Variants in ZNF160 observed in about 807,000 individuals in gnomAD.
The protein encoded by ZNF160 is KRAB zinc finger protein KR18.
In ZNF160, 9 loss-of-function variants were observed where a neutral mutation model predicts 13.1. The ratio of observed to expected loss-of-function variants is 0.69; its 90% CI spans 0.41 to 1.20. The LOEUF is 1.20. Ranked by LOEUF, ZNF160 falls within the 50% of genes most tolerant of loss-of-function variation. ZNF160 has a pLI of 0.01. For missense variants in ZNF160, 838 were observed against 988.0 expected (o/e 0.85, Z 2.04); for synonymous variants, 293 against 333.2 (o/e 0.88, Z 1.31).
chr19:53,086,079 G>C, intron 3 of ZNF160, 183 bp downstream of exon 3: 1 of 1,377,474 alleles, frequency 7.3e-7, no homozygotes, highest in Non-Finnish European at 1.0e-6. Context: ...CTCTTCCCAA[G>C]TTCATGTCAC....
Position 53,068,606 on chromosome 19 carries a change from T to C in ZNF160, c.1928A>G (p.His643Arg), listed in dbSNP as rs767572223. 1.2e-6 allele frequency: 2 copies of C among 1,614,152 alleles called. No homozygotes were observed. The highest frequency in any genetic ancestry group is 1.7e-6 in the Non-Finnish European group (2 of 1,180,034). The stretch of plus-strand genomic sequence containing the variant: ...ACACTTGTAAGGTTTCTCTCCAGTA[T>C]GAATTCGCCGATGAGTTGCAAGGTA... Reference protein sequence around the residue: ...NSYLATHRRIHTGEKPYKCNE... With the variant: ...NSYLATHRRIRTGEKPYKCNE... The change falls in exon 6 of 6, where the codon CAT becomes CGT. Residue 643 changes from histidine (H) to arginine (R), a missense_variant. By Grantham distance (29) the His-to-Arg change is conservative. Coordinates refer to ENST00000683776, the MANE Select transcript of ZNF160 (RefSeq NM_001322131.2).
At chr19:53,074,098 T>G (rs1013873752) in intron 5 of ZNF160, 42 bp downstream of exon 5, 4 of 1,595,692 alleles carry the variant, frequency 2.5e-6, no homozygotes, top group Non-Finnish European at 3.4e-6. Flanking sequence ...TCCCACACTC[T>G]AGTTAATGAG....
At position 53,070,191 on chromosome 19, in the gene ZNF160, T is replaced by A. The variant is rs765908401; in HGVS notation, c.343A>T (p.Thr115Ser). The change falls in exon 6 of 6, where the codon ACA becomes TCA. Residue 115 changes from threonine (T) to serine (S), a missense_variant. Thr to Ser is a moderately conservative substitution (Grantham distance 58, BLOSUM62 1). This residue lies in a region of ZNF160 where 387 missense variants were observed against 402.3 expected (regional missense o/e 0.96). Transcript: ENST00000683776. ...CTTTCGTGTCTTTCCAACACCACTGTGTGGAATACTGCTTCTGTACTGCTC... is the reference window on the plus strand; with the variant it reads ...CTTTCGTGTCTTTCCAACACCACTGAGTGGAATACTGCTTCTGTACTGCTC... ...EKSSTEAVFH[T>S]VVLERHESPD... is the part of the protein sequence containing the mutation. 1 of 1,613,960 alleles carries A rather than the reference T, an allele frequency of 6.2e-7. No homozygotes were observed. Among genetic ancestry groups the A allele is most frequent in the South Asian group, 1.1e-5 (1 of 91,076 alleles).
intron 3 of ZNF160, among the ~76,000 whole-genome samples, chr19:53,083,622 G>A (rs1448330693): frequency 2.0e-5 from 3 of 152,192 alleles, no homozygotes; most frequent in South Asian, 2.1e-4. Flanking sequence ...AAACCAAGCC[G>A]GGCACAATGG....
chr19:53,080,137 G>A (rs1020929776), intron 3 of ZNF160, among the ~76,000 whole-genome samples: 18 of 146,518 alleles, frequency 1.2e-4, no homozygotes, highest in African/African-American at 4.3e-4. Context: ...ATGGAGTTTC[G>A]CTCTTGTTGC....
intron 3 of ZNF160, chr19:53,075,916 C>G: frequency 2.2e-6 from 1 of 451,236 alleles, no homozygotes; most frequent in Admixed American, 2.3e-5. Flanking sequence ...AGCCCTCAGC[C>G]TATGGGAGCT....
At position 53,068,334 on chromosome 19, in the gene ZNF160, T is replaced by G. The variant is rs1568471341; in HGVS notation, c.2200A>C (p.Lys734Gln). The change falls in exon 6 of 6, where the codon AAA (lysine) becomes CAA (glutamine). Residue 734 changes from lysine to glutamine, a missense_variant. Lys to Gln is a moderately conservative substitution (Grantham distance 53). Coordinates refer to ENST00000683776, the MANE Select transcript of ZNF160 (RefSeq NM_001322131.2). ...AAGACCTTGCCACATTCATTACATT[T>G]GTAAGGTTTTTTCCCAGTATGGATT... ...QAIHTGKKPY[K>Q]CNECGKVFTQ... is the part of the protein sequence containing the mutation. 5 of 1,614,040 alleles carry G rather than the reference T, an allele frequency of 3.1e-6. No homozygotes were observed. The highest frequency in any genetic ancestry group is 4.2e-6 in the Non-Finnish European group (5 of 1,180,044).
chr19:53,069,912 C>T lies in ZNF160; in HGVS notation c.622G>A (p.Glu208Lys), dbSNP rs1255597004. Residue 208 changes from glutamate (E) to lysine (K), a missense_variant, in exon 6 of 6, where the codon GAG becomes AAG. Coordinates refer to ENST00000683776, the MANE Select transcript of ZNF160 (RefSeq NM_001322131.2). The surrounding 1 kb of genome is among the most constrained non-coding windows in gnomAD (Gnocchi z 4.4). ...EGKMYECNQV[E>K]KSTNNGSSVS... ...GAGGAACCATTGTTGGTAGACTTCT[C>T]AACTTGATTACATTCATACATTTTC... The T allele has an allele frequency of 1.9e-6, 3 of 1,614,122 alleles. No individual in the cohort carries two copies. Among genetic ancestry groups the T allele is most frequent in the Non-Finnish European group, 2.5e-6 (3 of 1,180,038 alleles).
chr19:53,078,133 G>A (rs958132632), intron 3 of ZNF160, among the ~76,000 whole-genome samples: 8 of 152,100 alleles, frequency 5.3e-5, no homozygotes, highest in Non-Finnish European at 7.4e-5. Flanking sequence ...CCAACTACTC[G>A]GGAGGCTGAG....
At position 53,068,743 on chromosome 19, in the gene ZNF160, G is replaced by A. The variant is rs909202896; in HGVS notation, c.1791C>T (p.Asp597=). The change falls in exon 6 of 6, where the codon GAC becomes GAT. Residue 597 remains aspartate, a synonymous_variant. Coordinates refer to ENST00000683776, the MANE Select transcript of ZNF160 (RefSeq NM_001322131.2). ...HTGEKPYKCN[D]CGRAFSDRSS... is the part of the protein sequence containing the mutation. Reference sequence around the variant, plus strand: ...AACGATCACTAAAGGCTCTGCCACAGTCATTACACTTGTAAGGTTTTTCTC... The same window carrying A: ...AACGATCACTAAAGGCTCTGCCACAATCATTACACTTGTAAGGTTTTTCTC... 1.9e-6 allele frequency: 3 copies of A among 1,613,962 alleles called. No homozygotes were observed. The Admixed American group carries it at 5.0e-5, about 27-fold the overall frequency.
At position 53,075,197 on chromosome 19, in the gene ZNF160, C is replaced by G. The variant is rs755534928; in HGVS notation, c.16-14G>C. 6 of 1,612,660 alleles carry G rather than the reference C, an allele frequency of 3.7e-6. No individual in the cohort carries two copies. In the South Asian group the frequency reaches 6.6e-5, roughly 18 times the overall value. Reference sequence around the variant, plus strand: ...TGTCAACCGTACCTAAAATGAAAAACACATTTCACCAAGTGGCTAAGGGGA... The same window carrying G: ...TGTCAACCGTACCTAAAATGAAAAAGACATTTCACCAAGTGGCTAAGGGGA... On this transcript the variant is annotated splice_polypyrimidine_tract_variant and intron_variant, in intron 3 of 5. Transcript: ENST00000683776.
Position 53,068,140 on chromosome 19 carries a change from G to A in ZNF160, c.2394C>T (p.Phe798=), listed in dbSNP as rs1416719573. 5.6e-6 allele frequency: 9 copies of A among 1,613,928 alleles called. No homozygotes were observed. The highest frequency in any genetic ancestry group is 7.6e-6 in the Non-Finnish European group (9 of 1,179,906). The change falls in exon 6 of 6, where the codon TTC becomes TTT. Residue 798 remains phenylalanine (F), a synonymous_variant. Transcript: ENST00000683776. ...GACTTGCAAGATTTGAACTCTGCCT[G>A]AAGACCTTGCCACACTCATTACATT... is the stretch of plus-strand genomic sequence containing the variant. ...RYKCNECGKV[F]RQSSNLASHH... is the part of the protein sequence containing the mutation.
At chr19:53,085,687 T>A in intron 3 of ZNF160, 1 of 247,540 alleles carries the variant, frequency 4.0e-6, no homozygotes, top group South Asian at 6.9e-5. Flanking sequence ...ACATTTATGT[T>A]GACGTCATAC....
intron 2 of ZNF160, among the ~76,000 whole-genome samples, chr19:53,088,873 C>A (rs1461208637): frequency 1.3e-5 from 2 of 152,200 alleles, no homozygotes; most frequent in Admixed American, 1.3e-4. Flanking sequence ...TCAGACACCA[C>A]AGCTTGAGGG....
chr19:53,102,691 GTCTC>G (rs772183878), intron 1 of ZNF160, among the ~76,000 whole-genome samples: 1 of 151,918 alleles, frequency 6.6e-6, no homozygotes, highest in Non-Finnish European at 1.5e-5. Context: ...GTGGCTCTTT[GTCTC>G]TCTTTCTCCT....
chr19:53,069,451 TA>T lies in ZNF160; in HGVS notation c.1082del (p.Leu361Ter). The part of the protein sequence containing the change: ...RGHSNLTTHQ[L>X]IHTGEKPFKC... ...TGAACGGTTTTTCTCCAGTATGAAT[TA>T]ACTGATGGGTAGTTAGGTTTGAATG... On this transcript the variant is annotated frameshift_variant, in exon 6 of 6. Coordinates refer to ENST00000683776, the MANE Select transcript of ZNF160 (RefSeq NM_001322131.2). LOFTEE classifies it low-confidence loss of function (END_TRUNC). This position sits in a 1 kb window ranked among gnomAD's most constrained non-coding sequence, Gnocchi z 4.4. 1 of 1,614,064 alleles carries T rather than the reference TA, an allele frequency of 6.2e-7. No individual in the cohort carries two copies. The highest frequency in any genetic ancestry group is 1.7e-5 in the Admixed American group (1 of 60,006).
intron 5 of ZNF160, chr19:53,073,425 CGGAGACGGCT>C: frequency 6.3e-7 from 1 of 1,598,378 alleles, no homozygotes; most frequent in South Asian, 1.1e-5. Flanking sequence ...CCTCGACAGG[CGGAGACGGCT>C]GGAGACTCTT....
intron 5 of ZNF160, chr19:53,072,828 G>A: frequency 1.9e-6 from 1 of 521,682 alleles, no homozygotes; most frequent in Non-Finnish European, 2.5e-6. Context: ...TCCAGCCTGG[G>A]CAACAAGAGC....
At position 53,069,421 on chromosome 19, in the gene ZNF160, A is replaced by G; in HGVS notation, c.1113T>C (p.Cys371=). 6.2e-7 allele frequency: 1 copy of G among 1,614,166 alleles called. No individual in the cohort carries two copies. Among genetic ancestry groups the G allele is most frequent in the Non-Finnish European group, 8.5e-7 (1 of 1,180,032 alleles). ...GAGTGAAGAGCTTGCCACATTCATT[A>G]CATTTGAACGGTTTTTCTCCAGTAT... ...LIHTGEKPFK[C]NECGKLFTQN... Residue 371 remains cysteine (C), a synonymous_variant, in exon 6 of 6, where the codon TGT becomes TGC. Transcript: ENST00000683776. The surrounding 1 kb of genome is among the most constrained non-coding windows in gnomAD (Gnocchi z 4.4).
Sources: gnomAD v4.1 joint callset for allele counts (sites outside exome capture counted in the v4.1 genomes callset) on GRCh38, gnomAD v4.1.1 for gene constraint, gnomAD v4.1.1 regional missense constraint, Gnocchi (gnomAD v3.1) non-coding constraint, MANE v1.5 for transcripts, NCBI Gene and HGNC (gene_info 2026-07-23, HGNC 2026-07-21) for gene names.